The following CDC42BPA variants were observed in gnomAD, a reference collection of about 807,000 sequenced individuals.
CDC42BPA encodes serine/threonine-protein kinase MRCK alpha.
A neutral mutation model predicts 223.5 loss-of-function variants in CDC42BPA; 80 were observed. That is an observed-to-expected ratio of 0.36 (90% CI 0.30 to 0.43). The LOEUF (loss-of-function observed/expected upper bound fraction) is 0.43. Ranked by LOEUF, CDC42BPA falls within the 20% of genes least tolerant of loss-of-function variation. The pLI is 1.00. For missense variants in CDC42BPA, 1,743 were observed against 2,099.9 expected, an observed-to-expected ratio of 0.83 and a Z score of 3.32; for synonymous variants, 694 against 718.6, an observed-to-expected ratio of 0.97 and a Z score of 0.55.
At chr1:227,104,793 T>A (rs1027178252) in intron 14 of CDC42BPA, among the ~76,000 whole-genome samples, 2 of 152,050 alleles carry the variant, frequency 1.3e-5, no homozygotes, top group Non-Finnish European at 2.9e-5. Flanking sequence ...GGGTGATGTA[T>A]CTTACAAGCC....
intron 20 of CDC42BPA, among the ~76,000 whole-genome samples, chr1:227,070,417 CTT>C (rs985245203): frequency 2.0e-5 from 3 of 151,806 alleles, no homozygotes; most frequent in South Asian, 2.1e-4. Context: ...ATACATATCT[CTT>C]GACTATGGCA....
intron 1 of CDC42BPA, among the ~76,000 whole-genome samples, chr1:227,309,944 A>G (rs1428205261): frequency 2.0e-5 from 3 of 152,226 alleles, no homozygotes; most frequent in Admixed American, 6.5e-5. Context: ...TTCAGTGCAC[A>G]TGACTTTCAC....
At chr1:227,031,808 C>T (rs1374804976) in intron 27 of CDC42BPA, among the ~76,000 whole-genome samples, 1 of 152,080 alleles carries the variant, frequency 6.6e-6, no homozygotes. Flanking sequence ...ACAACAACAA[C>T]AACTGACATT....
At chr1:227,132,990 G>A (rs1197829309) in intron 10 of CDC42BPA, among the ~76,000 whole-genome samples, 3 of 151,688 alleles carry the variant, frequency 2.0e-5, no homozygotes, top group African/African-American at 4.8e-5. Context: ...ACCCCGTCTG[G>A]GAAGTGAGGA....
intron 32 of CDC42BPA, 29 bp from the exon 33 acceptor site, chr1:227,017,079 G>C (rs1666424293): frequency 1.3e-6 from 2 of 1,597,416 alleles, no homozygotes; most frequent in South Asian, 2.3e-5. Context: ...AAACGATAAT[G>C]ATGTTCTTTA....
intron 23 of CDC42BPA, among the ~76,000 whole-genome samples, chr1:227,042,180 T>C (rs1276942555): frequency 6.6e-6 from 1 of 152,150 alleles, no homozygotes; most frequent in Non-Finnish European, 1.5e-5. Context: ...TTCATGTTTT[T>C]CTTCTTCTAA....
chr1:227,267,989 A>G (rs977459861), intron 1 of CDC42BPA, among the ~76,000 whole-genome samples: 3 of 152,222 alleles, frequency 2.0e-5, no homozygotes, highest in East Asian at 1.9e-4. Flanking sequence ...TACACCTACC[A>G]TGTCCCAGGC....
Position 227,273,995 on chromosome 1 carries a change from C to CAAAAAAAAAAA in CDC42BPA, c.179-19851_179-19841dup, listed in dbSNP as rs10599884. Among the ~76,000 whole-genome samples the CAAAAAAAAAAA allele has an allele frequency of 4.7e-4, 27 of 57,000 alleles. 3 individuals carry two copies. Among genetic ancestry groups the CAAAAAAAAAAA allele is most frequent in the Non-Finnish European group, 6.4e-4 (20 of 31,194 alleles). The allele number at this position is 57,000 out of a possible 152,430, so 37.4% of individuals were successfully genotyped here. A position where few individuals can be genotyped will look rare whatever the true frequency, so the allele number is the denominator to read the frequency against. On this transcript the variant is annotated intron_variant, in intron 1 of 36. Coordinates refer to ENST00000366766, the MANE Select transcript of CDC42BPA (RefSeq NM_001394014.1). ...ATAGTTTTCAAATATTCGTATACAC[C>CAAAAAAAAAAA]AAAAAAAAAAAAAAAAAAAAAAAAA...
rs1345849712 is a variant in CDC42BPA, at chr1:227,318,198, TGCGGCG to T, written c.-1022_-1017del. On this transcript the variant is annotated 5_prime_UTR_variant, in exon 1 of 37. Coordinates refer to ENST00000366766, the MANE Select transcript of CDC42BPA (RefSeq NM_001394014.1). Reference sequence around the variant, plus strand: ...TTCAAAGGACACAAGCAGCAGCAGCTGCGGCGGCGGCGCGGGCGGCTCTGGCAGCTA... The same window carrying T: ...TTCAAAGGACACAAGCAGCAGCAGCTGCGGCGCGGGCGGCTCTGGCAGCTA... 6.5e-6 allele frequency: 1 copy of T among 154,810 alleles called. No homozygotes were observed. Among genetic ancestry groups the T allele is most frequent in the African/African-American group, 2.4e-5 (1 of 40,932 alleles). 9.6% of individuals were successfully genotyped at this position (154,810 alleles called of 1,614,324 possible).
chr1:227,025,667 GC>G (rs1202753627), intron 31 of CDC42BPA, among the ~76,000 whole-genome samples: 1 of 152,034 alleles, frequency 6.6e-6, no homozygotes, highest in African/African-American at 2.4e-5. Flanking sequence ...TACTTTTCTA[GC>G]CTTTTAAATC....
In CDC42BPA at chr1:227,005,091, AC is replaced by A; in HGVS notation, c.4877del (p.Ser1626IlefsTer25). The A allele has an allele frequency of 6.2e-7, 1 of 1,613,854 alleles. No individual in the cohort carries two copies. The highest frequency in any genetic ancestry group is 8.5e-7 in the Non-Finnish European group (1 of 1,179,724). ...TGACTGAGCCACTGAATACTGTCCG[AC>A]TTTCCTGAGGCCGAGGGTTCTATAA... ...DLPMNPRPQE[S>X]RTVFSGSVSI... On this transcript the variant is annotated frameshift_variant, in exon 35 of 37. Coordinates refer to ENST00000366766, the MANE Select transcript of CDC42BPA (RefSeq NM_001394014.1). LOFTEE classifies it high-confidence loss of function.
At chr1:227,301,650 G>A (rs1382643939) in intron 1 of CDC42BPA, among the ~76,000 whole-genome samples, 1 of 152,258 alleles carries the variant, frequency 6.6e-6, no homozygotes, top group East Asian at 1.9e-4. Context: ...GAGCCACTGT[G>A]CCCAGCCGGA....
Position 227,318,400 on chromosome 1 carries a change from C to T in CDC42BPA, c.-1218G>A, listed in dbSNP as rs1213780560. On this transcript the variant is annotated 5_prime_UTR_variant, in exon 1 of 37. Coordinates refer to ENST00000366766, the MANE Select transcript of CDC42BPA (RefSeq NM_001394014.1). Reference sequence around the variant, plus strand: ...CCCTTCCAGCCCTCCCCCGCCTTCCCTCTCCTCTCGCGCTCGCGCCCTGGG... The same window carrying T: ...CCCTTCCAGCCCTCCCCCGCCTTCCTTCTCCTCTCGCGCTCGCGCCCTGGG... The T allele has an allele frequency of 1.3e-5, 2 of 152,594 alleles. No individual in the cohort carries two copies. The highest frequency in any genetic ancestry group is 2.9e-5 in the Non-Finnish European group (2 of 68,488). The allele number at this position is 152,594 out of a possible 1,614,324, so 9.5% of individuals were successfully genotyped here. A position where few individuals can be genotyped will look rare whatever the true frequency, so the allele number is the denominator to read the frequency against.
chr1:227,035,479 G>T lies in CDC42BPA; in HGVS notation c.3328C>A (p.His1110Asn). The T allele has an allele frequency of 6.2e-7, 1 of 1,606,446 alleles. No homozygotes were observed. The highest frequency in any genetic ancestry group is 1.1e-5 in the South Asian group (1 of 88,830). Residue 1110 changes from histidine (H) to asparagine (N), a missense_variant, in exon 25 of 37, where the codon CAT becomes AAT. Transcript: ENST00000366766. ...QKGIGTAYEG[H>N]VRIPKPAGVK... ...AACTTAATCATACTTACCCTGACATGACCTTCATATGCTGTTCCTATTCCT... is the reference window on the plus strand; with the variant it reads ...AACTTAATCATACTTACCCTGACATTACCTTCATATGCTGTTCCTATTCCT...
At chr1:227,208,866 A>C (rs1424456679) in intron 3 of CDC42BPA, among the ~76,000 whole-genome samples, 3 of 151,704 alleles carry the variant, frequency 2.0e-5, no homozygotes, top group Non-Finnish European at 2.9e-5. Context: ...TATGAACTTT[A>C]AAGTAGTTTT....
chr1:227,172,210 T>C (rs1404172223), intron 5 of CDC42BPA, among the ~76,000 whole-genome samples: 1 of 152,236 alleles, frequency 6.6e-6, no homozygotes, highest in African/African-American at 2.4e-5. Context: ...GAATTCTTTA[T>C]GGAACATTAA....
intron 4 of CDC42BPA, 137 bp downstream of exon 4, chr1:227,199,420 T>C (rs1671339254): frequency 9.4e-6 from 5 of 532,014 alleles, no homozygotes; most frequent in African/African-American, 8.0e-5. Context: ...ACACCACATA[T>C]CAAGTGAACA....
In CDC42BPA at chr1:227,142,808, T is replaced by TG. The variant is rs535259395; in HGVS notation, c.1223+136dup. ...CTAAGTTTTGTATTTTTAGTAGAGA[T>TG]GGGGTTTCACCATATTGGCCAGGCT... On this transcript the variant is annotated intron_variant, in intron 9 of 36. Transcript: ENST00000366766. The TG allele has an allele frequency of 8.2e-4, 335 of 408,260 alleles. 4 individuals are homozygous for TG. The highest frequency in any genetic ancestry group is 5.2e-3 in the African/African-American group (238 of 45,770). 25.3% of individuals were successfully genotyped at this position (408,260 alleles called of 1,614,324 possible).
intron 2 of CDC42BPA, among the ~76,000 whole-genome samples, chr1:227,233,801 C>T (rs1474962559): frequency 6.6e-6 from 1 of 151,936 alleles, no homozygotes; most frequent in Non-Finnish European, 1.5e-5. Flanking sequence ...GGCGTGGTGG[C>T]GGACCCCTGT....
Sources: gnomAD v4.1 joint callset for allele counts (sites outside exome capture counted in the v4.1 genomes callset) on GRCh38, gnomAD v4.1.1 for gene constraint, MANE v1.5 for transcripts, NCBI Gene and HGNC (gene_info 2026-07-23, HGNC 2026-07-21) for gene names.